LY75: variants seen among roughly 807,000 people sequenced by gnomAD.
The protein encoded by LY75 is C-type lectin domain family 13 member B.
In LY75, 185 loss-of-function variants were observed where a neutral mutation model predicts 231.7. The observed-to-expected ratio is 0.80, with a 90% CI of 0.71 to 0.90. The LOEUF (loss-of-function observed/expected upper bound fraction) is 0.90. Among genes scored for constraint, LY75 ranks in the 40% least tolerant of loss-of-function variants. The pLI is 0.00. For missense variants in LY75, 1,947 were observed against 2,050.2 expected, an observed-to-expected ratio of 0.95 and a Z score of 0.97; for synonymous variants, 668 against 689.0, an observed-to-expected ratio of 0.97 and a Z score of 0.48.
At chr2:159,860,994 CAGAA>C (rs1405207626) in intron 14 of LY75, 105 bp from the exon 15 acceptor site, 1 of 1,212,338 alleles carries the variant, frequency 8.2e-7, no homozygotes, top group Non-Finnish European at 1.2e-6. Flanking sequence ...TGATATGCCA[CAGAA>C]AGAAAACTTT....
rs1266509055 is a variant in LY75, at chr2:159,881,199, T to A, written c.1288A>T (p.Ile430Leu). ...EVWIGLKNINIPTLFQWSDGT... is the reference protein window; with the variant it reads ...EVWIGLKNINLPTLFQWSDGT... ...TCTGACCACTGAAATAAAGTTGGTATGTTTATGTTCTTAAGGCCTATCCAC... is the reference window on the plus strand; with the variant it reads ...TCTGACCACTGAAATAAAGTTGGTAAGTTTATGTTCTTAAGGCCTATCCAC... The change falls in exon 8 of 35, where the codon ATA becomes TTA. Residue 430 changes from isoleucine to leucine, a missense_variant. Ile to Leu is a conservative substitution (Grantham distance 5, BLOSUM62 2). Transcript: ENST00000263636. The A allele has an allele frequency of 1.2e-6, 2 of 1,613,812 alleles. No homozygotes were observed. Among genetic ancestry groups the A allele is most frequent in the Non-Finnish European group, 1.7e-6 (2 of 1,179,860 alleles).
At chr2:159,898,318 A>C (rs1291137530) in intron 2 of LY75, among the ~76,000 whole-genome samples, 1 of 151,948 alleles carries the variant, frequency 6.6e-6, no homozygotes, top group Non-Finnish European at 1.5e-5. Flanking sequence ...GATCAACATT[A>C]TTAGATCATT....
At chr2:159,847,319 T>C (rs1457524620) in intron 23 of LY75, among the ~76,000 whole-genome samples, 2 of 152,126 alleles carry the variant, frequency 1.3e-5, no homozygotes, top group African/African-American at 2.4e-5. Flanking sequence ...CAGCCTTTTT[T>C]CTCATTTTTT....
intron 30 of LY75, 138 bp from the exon 31 acceptor site, chr2:159,815,711 C>G: frequency 9.4e-7 from 1 of 1,064,680 alleles, no homozygotes; most frequent in Non-Finnish European, 1.3e-6. Flanking sequence ...TCTGAACCTA[C>G]TATTATTGTA....
chr2:159,882,228 G>A lies in LY75; in HGVS notation c.1142C>T (p.Ser381Phe). 6.2e-7 allele frequency: 1 copy of A among 1,614,000 alleles called. No homozygotes were observed. Among genetic ancestry groups the A allele is most frequent in the East Asian group, 2.2e-5 (1 of 44,882 alleles). Reference sequence around the variant, plus strand: ...GCATTTCGCATGTGCCTTATCCCAGGAATTACTTTCATTTACCAGCAGATA... The same window carrying A: ...GCATTTCGCATGTGCCTTATCCCAGAAATTACTTTCATTTACCAGCAGATA... ...FCYLLVNESN[S>F]WDKAHAKCKA... The change falls in exon 7 of 35, where the codon TCC becomes TTC. Residue 381 changes from serine (S) to phenylalanine (F), a missense_variant. Ser to Phe is a radical substitution (Grantham distance 155). Coordinates refer to ENST00000263636, the MANE Select transcript of LY75 (RefSeq NM_002349.4).
intron 27 of LY75, among the ~76,000 whole-genome samples, chr2:159,833,043 A>T (rs1683711640): frequency 6.6e-6 from 1 of 151,958 alleles, no homozygotes; most frequent in Non-Finnish European, 1.5e-5. Context: ...TGACTGCTCC[A>T]ACTAACTTAT....
rs1433275943 is a variant in LY75, at chr2:159,878,415, T to C, written c.1683A>G (p.Arg561=). Residue 561 remains arginine, a synonymous_variant, in exon 11 of 35, where the codon AGA becomes AGG. Transcript: ENST00000263636. ...SLRKYFWTGL[R]DVDSCGEYNW... ...TATACTCTCCACAAGAATCTACATCTCTCAGGCCAGTCCAGAAGTATTTTC... is the reference window on the plus strand; with the variant it reads ...TATACTCTCCACAAGAATCTACATCCCTCAGGCCAGTCCAGAAGTATTTTC... The C allele has an allele frequency of 6.2e-7, 1 of 1,613,994 alleles. No individual in the cohort carries two copies. Among genetic ancestry groups the C allele is most frequent in the East Asian group, 2.2e-5 (1 of 44,880 alleles).
In LY75 at chr2:159,894,055, C is replaced by T. The variant is rs1553814173; in HGVS notation, c.496G>A (p.Gly166Arg). 6.2e-7 allele frequency: 1 copy of T among 1,612,920 alleles called. No individual in the cohort carries two copies. The highest frequency in any genetic ancestry group is 8.5e-7 in the Non-Finnish European group (1 of 1,179,390). Residue 166 changes from glycine to arginine, a missense_variant, in exon 3 of 35, where the codon GGG becomes AGG. Coordinates refer to ENST00000263636, the MANE Select transcript of LY75 (RefSeq NM_002349.4). Reference sequence around the variant, plus strand: ...AAGAATGGAAATTCACAAGGTCTCCCATAAGAGTTCCCATCTCTGGTATAG... The same window carrying T: ...AAGAATGGAAATTCACAAGGTCTCCTATAAGAGTTCCCATCTCTGGTATAG... ...EIYTRDGNSY[G>R]RPCEFPFLID...
In LY75 at chr2:159,808,031, A is replaced by C. The variant is rs570622519; in HGVS notation, c.4822+418T>G. On this transcript the variant is annotated intron_variant, in intron 33 of 34. Coordinates refer to ENST00000263636, the MANE Select transcript of LY75 (RefSeq NM_002349.4). ...AGTGGTAAAAATATTCTTAGAGAGA[A>C]GGGAATAACAAGAAGATAACTTTCT... The C allele has an allele frequency of 3.2e-6, 3 of 938,354 alleles. No homozygotes were observed. In the South Asian group the frequency reaches 1.5e-4, roughly 46 times the overall value. The allele number at this position is 938,354 out of a possible 1,614,324, so 58.1% of individuals were successfully genotyped here. A position where few individuals can be genotyped will look rare whatever the true frequency, so the allele number is the denominator to read the frequency against.
chr2:159,876,428 A>G (rs1685268208), intron 11 of LY75, among the ~76,000 whole-genome samples: 1 of 152,218 alleles, frequency 6.6e-6, no homozygotes, highest in Non-Finnish European at 1.5e-5. Flanking sequence ...GAGAAGCCAC[A>G]TAGTCTCATA....
chr2:159,886,087 AAC>A (rs1181380239), intron 5 of LY75, among the ~76,000 whole-genome samples: 1 of 152,174 alleles, frequency 6.6e-6, no homozygotes, highest in Non-Finnish European at 1.5e-5. Flanking sequence ...CTGCAGATGA[AAC>A]ACAGCATGGG....
intron 4 of LY75, among the ~76,000 whole-genome samples, chr2:159,889,525 G>A (rs1685690575): frequency 1.3e-5 from 2 of 152,036 alleles, no homozygotes; most frequent in African/African-American, 4.8e-5. Flanking sequence ...ACCGCACCTG[G>A]CCAATTCCTC....
intron 16 of LY75, among the ~76,000 whole-genome samples, chr2:159,857,862 A>G (rs1267782329): frequency 6.6e-6 from 1 of 152,216 alleles, no homozygotes; most frequent in East Asian, 1.9e-4. Flanking sequence ...TTCTGTTATC[A>G]AAGGCTATAC....
chr2:159,855,622 G>A (rs957018205), intron 16 of LY75, among the ~76,000 whole-genome samples: 9 of 152,194 alleles, frequency 5.9e-5, no homozygotes, highest in African/African-American at 2.2e-4. Flanking sequence ...TATTTCGGAT[G>A]AGTGGCTTAA....
At chr2:159,878,572 CTGTT>C (rs1388682530) in intron 10 of LY75, 57 bp downstream of exon 10, 15 of 1,612,252 alleles carry the variant, frequency 9.3e-6, no homozygotes, top group African/African-American at 2.7e-5. Context: ...CTTAGGAAGA[CTGTT>C]TGGCAAAAGA....
At chr2:159,884,855 G>C (rs1279680095) in intron 6 of LY75, among the ~76,000 whole-genome samples, 3 of 152,150 alleles carry the variant, frequency 2.0e-5, no homozygotes, top group Non-Finnish European at 2.9e-5. Context: ...GAGAACCACT[G>C]CTCTGGAGAA....
chr2:159,883,884 G>T (rs1419391832), intron 6 of LY75, among the ~76,000 whole-genome samples: 1 of 152,036 alleles, frequency 6.6e-6, no homozygotes, highest in East Asian at 1.9e-4. Context: ...CAAGACATTT[G>T]AATGCTTTAT....
In LY75 at chr2:159,882,153, T is replaced by C; in HGVS notation, c.1217A>G (p.Glu406Gly). The C allele has an allele frequency of 6.2e-7, 1 of 1,613,568 alleles. No individual in the cohort carries two copies. The highest frequency in any genetic ancestry group is 8.5e-7 in the Non-Finnish European group (1 of 1,179,754). Residue 406 changes from glutamate (E) to glycine (G), a missense_variant, in exon 7 of 35, where the codon GAG (glutamate) becomes GGG (glycine). Coordinates refer to ENST00000263636, the MANE Select transcript of LY75 (RefSeq NM_002349.4). ...LISIHSLADV[E>G]VVVTKLHNED... ...ATTATGGAGTTTTGTGACAACCACC[T>C]CCACATCTGCTAGAGAATGAATGCT... is the stretch of plus-strand genomic sequence containing the variant.
In LY75 at chr2:159,875,366, C is replaced by A. The variant is rs79006916; in HGVS notation, c.1974+78G>T. 7.4e-4 allele frequency: 1,143 copies of A among 1,548,498 alleles called. 25 individuals carry two copies. The East Asian group carries it at 0.022, about 30-fold the overall frequency. Reference sequence around the variant, plus strand: ...GGTTACATAGTACTATGGAGAAGAGCATAATTTGTACAAGGACATGAACAA... The same window carrying A: ...GGTTACATAGTACTATGGAGAAGAGAATAATTTGTACAAGGACATGAACAA... On this transcript the variant is annotated intron_variant, in intron 12 of 34. Transcript: ENST00000263636.
Sources: allele counts gnomAD v4.1 joint callset (sites outside exome capture counted in the v4.1 genomes callset), GRCh38; gene constraint gnomAD v4.1.1; transcripts MANE v1.5; gene names NCBI Gene and HGNC (gene_info 2026-07-23, HGNC 2026-07-21).